FGF12: variants seen among roughly 807,000 people sequenced by gnomAD.
FGF12 encodes the protein fibroblast growth factor 12, also known as fibroblast growth factor 12B.
FGF12 carries 14 observed loss-of-function variants against 23.6 expected under a neutral mutation model. That is an observed-to-expected ratio of 0.59 (90% CI 0.39 to 0.93). The LOEUF (loss-of-function observed/expected upper bound fraction) is 0.93. FGF12 is among the 40% of genes least tolerant of loss of function. FGF12 has a pLI of 0.00. For missense variants in FGF12, 175 were observed against 217.8 expected (o/e 0.80, Z 1.24); for synonymous variants, 62 against 77.3 (o/e 0.80, Z 1.04).
At chr3:192,303,058 G>A (rs958427257) in intron 4 of FGF12, among the ~76,000 whole-genome samples, 3 of 152,134 alleles carry the variant, frequency 2.0e-5, no homozygotes, top group Non-Finnish European at 4.4e-5. Flanking sequence ...TGTGTGCCCA[G>A]AGTCCTTATT....
chr3:192,261,474 T>C (rs1239663242), intron 4 of FGF12, among the ~76,000 whole-genome samples: 2 of 152,174 alleles, frequency 1.3e-5, no homozygotes, highest in Non-Finnish European at 2.9e-5. Flanking sequence ...ATTTAACTGT[T>C]GATTACACAA....
chr3:192,622,538 A>T (rs1034358782), intron 2 of FGF12, among the ~76,000 whole-genome samples: 21 of 152,126 alleles, frequency 1.4e-4, no homozygotes, highest in African/African-American at 5.1e-4. Context: ...TCCCCACATA[A>T]TTCAAGTTTA....
intron 2 of FGF12, among the ~76,000 whole-genome samples, chr3:192,365,286 T>A (rs1199487954): frequency 6.7e-6 from 1 of 150,094 alleles, no homozygotes; most frequent in East Asian, 2.0e-4. Flanking sequence ...ACTATCAATG[T>A]CATTGAAGAA....
chr3:192,349,896 A>G (rs1323295561), intron 3 of FGF12, among the ~76,000 whole-genome samples: 1 of 152,128 alleles, frequency 6.6e-6, no homozygotes, highest in African/African-American at 2.4e-5. Context: ...TTTATTCAAC[A>G]AATACTGAAT....
intron 2 of FGF12, among the ~76,000 whole-genome samples, chr3:192,537,493 T>C (rs144877477): frequency 1.3e-5 from 2 of 152,284 alleles, no homozygotes; most frequent in African/African-American, 4.8e-5. Flanking sequence ...ATAAAAATCA[T>C]TTTAACTGGG....
At chr3:192,619,083 T>C (rs1276692378) in intron 2 of FGF12, among the ~76,000 whole-genome samples, 1 of 152,144 alleles carries the variant, frequency 6.6e-6, no homozygotes, top group Non-Finnish European at 1.5e-5. Flanking sequence ...CTAATTTAAT[T>C]GGTAAACATT....
intron 2 of FGF12, among the ~76,000 whole-genome samples, chr3:192,579,751 A>G (rs564767232): frequency 3.2e-4 from 49 of 152,000 alleles, no homozygotes; most frequent in Non-Finnish European, 6.6e-4. Flanking sequence ...TGTATTTTTC[A>G]ATAGAGACAG....
intron 3 of FGF12, among the ~76,000 whole-genome samples, chr3:192,347,963 C>T (rs951029613): frequency 9.2e-5 from 14 of 152,082 alleles, no homozygotes; most frequent in Non-Finnish European, 1.6e-4. Context: ...CAAGTTTATC[C>T]AGCTGGCAAG....
intron 2 of FGF12, among the ~76,000 whole-genome samples, chr3:192,568,091 C>T (rs929297174): frequency 6.6e-6 from 1 of 151,996 alleles, no homozygotes; most frequent in African/African-American, 2.4e-5. Flanking sequence ...CCTGGGCCTC[C>T]CAAAGTGCTG....
intron 2 of FGF12, among the ~76,000 whole-genome samples, chr3:192,685,975 C>G (rs1717716921): frequency 6.6e-6 from 1 of 152,132 alleles, no homozygotes; most frequent in African/African-American, 2.4e-5. Flanking sequence ...CAGGCTGTCT[C>G]TCAGGCACTC....
At chr3:192,158,528 C>T (rs1320408162) in intron 5 of FGF12, among the ~76,000 whole-genome samples, 3 of 142,162 alleles carry the variant, frequency 2.1e-5, no homozygotes, top group Non-Finnish European at 4.6e-5. Context: ...CTTTCCTTCC[C>T]TCCCTTCCTC....
intron 2 of FGF12, among the ~76,000 whole-genome samples, chr3:192,416,402 A>C (rs1402456065): frequency 7.2e-5 from 11 of 152,152 alleles, no homozygotes; most frequent in African/African-American, 2.7e-4. Flanking sequence ...CCTGAGTTGA[A>C]GTTTATTTGC....
At chr3:192,675,358 A>T (rs1185042027) in intron 2 of FGF12, among the ~76,000 whole-genome samples, 1 of 152,134 alleles carries the variant, frequency 6.6e-6, no homozygotes, top group East Asian at 1.9e-4. Context: ...AAAATTTAAG[A>T]TAATTTACAT....
At chr3:192,564,885 ATTGGT>A (rs1712206350) in intron 2 of FGF12, among the ~76,000 whole-genome samples, 1 of 152,210 alleles carries the variant, frequency 6.6e-6, no homozygotes, top group Non-Finnish European at 1.5e-5. Flanking sequence ...GACAAATTGC[ATTGGT>A]TCTAATCTAC....
In FGF12 at chr3:192,686,929, T is replaced by C. The variant is rs549700093; in HGVS notation, c.13+40252A>G. ...CTGCAAGCTCCGGCTTCTGGGTTCA[T>C]GCCATTCTCCTGCCTCAGCCTCCCG... On this transcript the variant is annotated intron_variant, in intron 2 of 5. Transcript: ENST00000445105. 8.1e-4 allele frequency among the ~76,000 whole-genome samples: 115 copies of C among 142,718 alleles called. 1 individual carries two copies. In the Middle Eastern group the frequency reaches 0.012, roughly 15 times the overall value. 93.6% of individuals were successfully genotyped at this position (142,718 alleles called of 152,430 possible).
At chr3:192,541,893 G>A (rs1725374808) in intron 2 of FGF12, among the ~76,000 whole-genome samples, 1 of 151,958 alleles carries the variant, frequency 6.6e-6, no homozygotes, top group South Asian at 2.1e-4. Flanking sequence ...ACTGCTACCA[G>A]ATATATTGAA....
At chr3:192,337,325 T>C (rs1476227504) in intron 3 of FGF12, among the ~76,000 whole-genome samples, 7 of 151,940 alleles carry the variant, frequency 4.6e-5, no homozygotes, top group Non-Finnish European at 1.0e-4. Flanking sequence ...GAAGCGGAAG[T>C]TGAGAAAGCC....
chr3:192,286,511 A>C (rs1714456086), intron 4 of FGF12, among the ~76,000 whole-genome samples: 1 of 152,002 alleles, frequency 6.6e-6, no homozygotes, highest in Non-Finnish European at 1.5e-5. Flanking sequence ...TGGGATCATG[A>C]CCAGTTTTGG....
intron 2 of FGF12, among the ~76,000 whole-genome samples, chr3:192,697,871 T>C (rs942671605): frequency 6.6e-6 from 1 of 152,200 alleles, no homozygotes; most frequent in South Asian, 2.1e-4. Flanking sequence ...GCTGCTCCCT[T>C]GCCTAATTCA....
Sources: gnomAD v4.1 joint callset for allele counts (sites outside exome capture counted in the v4.1 genomes callset) on GRCh38, gnomAD v4.1.1 for gene constraint, MANE v1.5 for transcripts, NCBI Gene and HGNC (gene_info 2026-07-23, HGNC 2026-07-21) for gene names.